Variants in TMEM232 observed in about 807,000 individuals in gnomAD.
TMEM232 encodes transmembrane protein 232.
In TMEM232, 80 loss-of-function variants were observed where a neutral mutation model predicts 78.8. That is an observed-to-expected ratio of 1.01 (90% confidence interval 0.85 to 1.22). The LOEUF (loss-of-function observed/expected upper bound fraction) is 1.22, where lower values mean the gene tolerates loss of function less well. TMEM232 is among the 50% of genes most tolerant of loss of function. TMEM232 has a pLI of 0.00. For synonymous variants in TMEM232, 297 were observed against 254.3 expected (o/e 1.17, Z -1.60); for missense variants, 881 against 742.2 (o/e 1.19, Z -2.17).
At chr5:110,410,933 C>G (rs1755973378) in intron 2 of TMEM232, among the ~76,000 whole-genome samples, 1 of 152,070 alleles carries the variant, frequency 6.6e-6, no homozygotes, top group African/African-American at 2.4e-5. Flanking sequence ...TGTGTAGGTA[C>G]TATTTGTTTC....
At chr5:110,700,135 C>T (rs1312968576) in intron 1 of TMEM232, among the ~76,000 whole-genome samples, 2 of 152,020 alleles carry the variant, frequency 1.3e-5, no homozygotes, top group Non-Finnish European at 2.9e-5. Flanking sequence ...TTGTTTCGCA[C>T]AAATAATTCC....
intron 11 of TMEM232, among the ~76,000 whole-genome samples, chr5:110,529,695 C>T (rs572100334): frequency 4.6e-5 from 7 of 151,904 alleles, no homozygotes; most frequent in Non-Finnish European, 1.0e-4. Flanking sequence ...CCAAAATTTC[C>T]CATTATTTAA....
rs568840863 is a variant in TMEM232, at chr5:110,445,233, T to C, written c.1704-20317A>G. Among the ~76,000 whole-genome samples, 10 of 152,180 alleles carry C rather than the reference T, an allele frequency of 6.6e-5. No individual in the cohort carries two copies. In the East Asian group the frequency reaches 1.9e-3, roughly 29 times the overall value. Reference sequence around the variant, plus strand: ...ATGTTGGAGTCTTTTGTTTTTCAAATATTTGATGAGTCTTATCTCTCTATT... The same window carrying C: ...ATGTTGGAGTCTTTTGTTTTTCAAACATTTGATGAGTCTTATCTCTCTATT... On this transcript the variant is annotated intron_variant, in intron 12 of 13. Coordinates refer to ENST00000455884, the MANE Select transcript of TMEM232 (RefSeq NM_001039763.4).
intron 12 of TMEM232, among the ~76,000 whole-genome samples, chr5:110,495,651 T>A (rs1028201556): frequency 1.3e-5 from 2 of 151,854 alleles, no homozygotes; most frequent in East Asian, 3.8e-4. Context: ...CATATTAGTA[T>A]AACAATAAAT....
At position 110,640,733 on chromosome 5, in the gene TMEM232, A is replaced by G. The variant is rs1338131826; in HGVS notation, c.343+158T>C. 4 of 418,800 alleles carry G rather than the reference A, an allele frequency of 9.6e-6. No homozygotes were observed. In the South Asian group the frequency reaches 3.7e-4, roughly 38 times the overall value. The allele number at this position is 418,800 out of a possible 1,614,324, so 25.9% of individuals were successfully genotyped here. On this transcript the variant is annotated intron_variant, in intron 4 of 13. Coordinates refer to ENST00000455884, the MANE Select transcript of TMEM232 (RefSeq NM_001039763.4). ...AAGCTTAGTTAAAATCATAAATTCAAAATTACAAAATGAATTTTCATAATA... is the reference window on the plus strand; with the variant it reads ...AAGCTTAGTTAAAATCATAAATTCAGAATTACAAAATGAATTTTCATAATA...
upstream of TMEM232, among the ~76,000 whole-genome samples, chr5:110,727,208 A>G (rs532657908): frequency 6.6e-6 from 1 of 152,236 alleles, no homozygotes; most frequent in African/African-American, 2.4e-5. Flanking sequence ...AAGTCCTTTA[A>G]AAATCCTTGT....
chr5:110,621,083 G>A (rs912643468), intron 7 of TMEM232, among the ~76,000 whole-genome samples: 27 of 151,304 alleles, frequency 1.8e-4, no homozygotes, highest in Admixed American at 1.3e-3. Flanking sequence ...GTCTGGTCTC[G>A]AACTCCTGAC....
At chr5:110,474,052 T>G (rs1003691949) in intron 12 of TMEM232, among the ~76,000 whole-genome samples, 12 of 151,378 alleles carry the variant, frequency 7.9e-5, no homozygotes, top group African/African-American at 2.9e-4. Flanking sequence ...CTAGATAAAA[T>G]AAGTAAATTG....
chr5:110,719,259 T>C (rs1356674473), intron 1 of TMEM232, among the ~76,000 whole-genome samples: 1 of 151,956 alleles, frequency 6.6e-6, no homozygotes, highest in African/African-American at 2.4e-5. Flanking sequence ...GTGCTGCATA[T>C]ATATGTGCTG....
intron 12 of TMEM232, among the ~76,000 whole-genome samples, chr5:110,470,616 T>C (rs1490953486): frequency 6.6e-6 from 1 of 152,160 alleles, no homozygotes; most frequent in Non-Finnish European, 1.5e-5. Flanking sequence ...CCATCACTCC[T>C]ACAAACTCCT....
chr5:110,587,235 T>A (rs542978435), intron 10 of TMEM232, among the ~76,000 whole-genome samples: 1 of 152,030 alleles, frequency 6.6e-6, no homozygotes, highest in Admixed American at 6.6e-5. Flanking sequence ...CACAATAAAT[T>A]CAGGTTAACA....
At chr5:110,547,998 CAAAAAAAAAAAA>C (rs938444289) in intron 11 of TMEM232, among the ~76,000 whole-genome samples, 2 of 48,672 alleles carry the variant, frequency 4.1e-5, no homozygotes, top group Middle Eastern at 0.013. Context: ...ACTCCATCTC[CAAAAAAAAAAAA>C]AAAAAAAAGC....
In TMEM232 at chr5:110,618,019, T is replaced by C. The variant is rs867686429; in HGVS notation, c.902+410A>G. 2.4e-5 allele frequency: 4 copies of C among 169,030 alleles called. No individual in the cohort carries two copies. The Middle Eastern group carries it at 1.8e-3, about 77-fold the overall frequency. 10.5% of individuals were successfully genotyped at this position (169,030 alleles called of 1,614,324 possible). A position where few individuals can be genotyped will look rare whatever the true frequency, so the allele number is the denominator to read the frequency against. Reference sequence around the variant, plus strand: ...GAGTGAGACCAAAAAAAATTTTTTTTTAAGATTCATTTTTGTTATACATTA... The same window carrying C: ...GAGTGAGACCAAAAAAAATTTTTTTCTAAGATTCATTTTTGTTATACATTA... On this transcript the variant is annotated intron_variant, in intron 8 of 13. Transcript: ENST00000455884.
intron 10 of TMEM232, among the ~76,000 whole-genome samples, chr5:110,591,752 C>T (rs548536200): frequency 2.3e-4 from 35 of 151,984 alleles, no homozygotes; most frequent in Admixed American, 3.3e-4. Flanking sequence ...GGTATGAGTT[C>T]GTTTGACTCC....
chr5:110,593,926 T>C (rs1241589449), intron 10 of TMEM232, among the ~76,000 whole-genome samples: 1 of 152,118 alleles, frequency 6.6e-6, no homozygotes, highest in East Asian at 1.9e-4. Context: ...ATATCCCACA[T>C]ACCTGATAAA....
chr5:110,502,423 A>C (rs1766369425), intron 12 of TMEM232, among the ~76,000 whole-genome samples: 2 of 152,212 alleles, frequency 1.3e-5, no homozygotes, highest in African/African-American at 4.8e-5. Context: ...AATTAGTATA[A>C]ACCTAGGTCA....
chr5:110,558,288 G>A (rs1775338221), intron 11 of TMEM232, among the ~76,000 whole-genome samples: 1 of 152,126 alleles, frequency 6.6e-6, no homozygotes, highest in Admixed American at 6.5e-5. Context: ...TAGCATCAGG[G>A]CAGTGATATG....
At position 110,470,321 on chromosome 5, in the gene TMEM232, G is replaced by C. The variant is rs1356236307; in HGVS notation, c.1704-45405C>G. Among the ~76,000 whole-genome samples, 3 of 152,128 alleles carry C rather than the reference G, an allele frequency of 2.0e-5. No individual in the cohort carries two copies. In the South Asian group the frequency reaches 6.2e-4, roughly 32 times the overall value. On this transcript the variant is annotated intron_variant, in intron 12 of 13. Coordinates refer to ENST00000455884, the MANE Select transcript of TMEM232 (RefSeq NM_001039763.4). The stretch of plus-strand genomic sequence containing the variant: ...AAGATGCCTCACAGTCACAGACCAT[G>C]GTTCTGTGAGGAATCCACATTCTAC...
At chr5:110,545,758 G>A (rs1773691619) in intron 11 of TMEM232, among the ~76,000 whole-genome samples, 1 of 152,062 alleles carries the variant, frequency 6.6e-6, no homozygotes, top group South Asian at 2.1e-4. Context: ...ATGAGTCAAA[G>A]GTACTCTGAA....
Sources: allele counts gnomAD v4.1 joint callset (sites outside exome capture counted in the v4.1 genomes callset), GRCh38; gene constraint gnomAD v4.1.1; transcripts MANE v1.5; gene names NCBI Gene and HGNC (gene_info 2026-07-23, HGNC 2026-07-21).